The following RFC4 variants were observed in gnomAD, a reference collection of about 807,000 sequenced individuals.
RFC4 encodes A1 37 kDa subunit.
In RFC4, 38 loss-of-function variants were observed where a neutral mutation model predicts 47.6. That is an observed-to-expected ratio of 0.80 (90% confidence interval 0.62 to 1.05). The LOEUF (loss-of-function observed/expected upper bound fraction) is 1.05, where lower values mean the gene tolerates loss of function less well. Ranked by LOEUF, RFC4 falls within the 50% of genes least tolerant of loss-of-function variation. The pLI is 0.00. For missense variants in RFC4, 489 were observed against 434.0 expected (o/e 1.13, Z -1.13); for synonymous variants, 164 against 150.0 (o/e 1.09, Z -0.68).
chr3:186,806,086 T>C (rs528651703), intron 1 of RFC4, among the ~76,000 whole-genome samples: 1 of 152,368 alleles, frequency 6.6e-6, no homozygotes, highest in African/African-American at 2.4e-5. Context: ...AGTCCATCCC[T>C]GCCTCGGGCT....
In RFC4 at chr3:186,792,531, G is replaced by A; in HGVS notation, c.634C>T (p.Leu212=). ...ACATTTTCCTTCTTGGCAATGTCTA[G>A]TAATCGCTGCTGTTGAATTTTATCT... is the stretch of plus-strand genomic sequence containing the variant. The part of the protein sequence containing the change: ...LSDKIQQQRL[L]DIAKKENVKI... Residue 212 remains leucine, a synonymous_variant, in exon 7 of 11, where the codon CTA becomes TTA. Transcript: ENST00000296273. The A allele has an allele frequency of 6.2e-7, 1 of 1,613,292 alleles. No individual in the cohort carries two copies.
At chr3:186,799,418 G>A (rs1722306694) in intron 3 of RFC4, among the ~76,000 whole-genome samples, 1 of 152,116 alleles carries the variant, frequency 6.6e-6, no homozygotes, top group Non-Finnish European at 1.5e-5. Flanking sequence ...TCTTACTTCA[G>A]CCTCATAAAT....
rs971773672 is a variant in RFC4, at chr3:186,806,424, C to G, written c.-146G>C. The G allele has an allele frequency of 6.6e-6, 1 of 152,266 alleles. No homozygotes were observed. 9.4% of individuals were successfully genotyped at this position (152,266 alleles called of 1,614,324 possible). A position where few individuals can be genotyped will look rare whatever the true frequency, so the allele number is the denominator to read the frequency against. Reference sequence around the variant, plus strand: ...GAGAATAACGGGCCCAGGAGACTTACGATCACTGATGTCCCCACAGTCGCC... The same window carrying G: ...GAGAATAACGGGCCCAGGAGACTTAGGATCACTGATGTCCCCACAGTCGCC... On this transcript the variant is annotated 5_prime_UTR_variant, in exon 1 of 11. Transcript: ENST00000296273.
intron 4 of RFC4, among the ~76,000 whole-genome samples, chr3:186,797,050 C>T (rs1332942012): frequency 6.6e-6 from 1 of 152,166 alleles, no homozygotes; most frequent in Non-Finnish European, 1.5e-5. Context: ...ATCACTTGTG[C>T]TCAGGAGACC....
chr3:186,790,997 AAGT>A lies in RFC4; in HGVS notation c.802-594_802-592del, dbSNP rs569617035. Among the ~76,000 whole-genome samples, 30 of 152,318 alleles carry A rather than the reference AAGT, an allele frequency of 2.0e-4. No individual in the cohort carries two copies. The South Asian group carries it at 2.5e-3, about 13-fold the overall frequency. ...AAATGTCACAGAAACAAAAGTTGTT[AAGT>A]AGTAGTGATTCTGAAGTGAGTTTTT... is the stretch of plus-strand genomic sequence containing the variant. On this transcript the variant is annotated intron_variant, in intron 8 of 10. Coordinates refer to ENST00000296273, the MANE Select transcript of RFC4 (RefSeq NM_002916.5).
rs1389693477 is a variant in RFC4, at chr3:186,791,721, T to C, written c.801+4A>G. On this transcript the variant is annotated splice_donor_region_variant and intron_variant, in intron 8 of 10. Coordinates refer to ENST00000296273, the MANE Select transcript of RFC4 (RefSeq NM_002916.5). Reference sequence around the variant, plus strand: ...AAGAAATTCAGAATATCCAGTACTCTTACCCCGGCAATGTCTGTAATCACT... The same window carrying C: ...AAGAAATTCAGAATATCCAGTACTCCTACCCCGGCAATGTCTGTAATCACT... 6.2e-7 allele frequency: 1 copy of C among 1,612,848 alleles called. No individual in the cohort carries two copies. The highest frequency in any genetic ancestry group is 8.5e-7 in the Non-Finnish European group (1 of 1,178,898).
intron 9 of RFC4, 31 bp downstream of exon 9, chr3:186,790,295 C>T (rs779477025): frequency 2.1e-5 from 34 of 1,611,570 alleles, no homozygotes; most frequent in South Asian, 1.3e-4. Flanking sequence ...ACTTAATATT[C>T]CTTTCCCCAA....
At chr3:186,800,659 AT>A (rs976422250) in intron 3 of RFC4, among the ~76,000 whole-genome samples, 5 of 150,268 alleles carry the variant, frequency 3.3e-5, no homozygotes, top group African/African-American at 4.9e-5. Flanking sequence ...TCAAAGCTCG[AT>A]TTTTTTTTTG....
At chr3:186,794,942 A>G in intron 4 of RFC4, 165 bp from the exon 5 acceptor site, 1 of 685,152 alleles carries the variant, frequency 1.5e-6, no homozygotes, top group East Asian at 2.9e-5. Context: ...GCTGCAGTTA[A>G]CATTTTGGCT....
chr3:186,790,593 A>G (rs577479054), intron 8 of RFC4, among the ~76,000 whole-genome samples, 187 bp from the exon 9 acceptor site: 1 of 152,282 alleles, frequency 6.6e-6, no homozygotes, highest in Non-Finnish European at 1.5e-5. Context: ...CAAGGTGCTA[A>G]CAACTGTGCT....
rs1722146753 is a variant in RFC4 at position 186,791,812 on chromosome 3, T to G, written c.714A>C (p.Leu238Phe). 2 of 1,612,392 alleles carry G rather than the reference T, an allele frequency of 1.2e-6. No individual in the cohort carries two copies. The highest frequency in any genetic ancestry group is 2.2e-5 in the East Asian group (1 of 44,848). Residue 238 changes from leucine (L) to phenylalanine (F), a missense_variant, in exon 8 of 11, where the codon TTA (leucine) becomes TTC (phenylalanine). Physicochemically the swap from Leu to Phe is conservative, Grantham distance 22. Coordinates refer to ENST00000296273, the MANE Select transcript of RFC4 (RefSeq NM_002916.5). ...TTTGAAGAAATGTAATGGCTTTTCT[T>G]AAGTCTCCTTCTGACACTTTAACAA... ...AYLVKVSEGDLRKAITFLQSA... is the reference protein window; with the variant it reads ...AYLVKVSEGDFRKAITFLQSA...
At chr3:186,804,190 GTAA>G (rs995525689) in intron 2 of RFC4, among the ~76,000 whole-genome samples, 1 of 151,820 alleles carries the variant, frequency 6.6e-6, no homozygotes, top group Non-Finnish European at 1.5e-5. Context: ...CTCAAAAATA[GTAA>G]TAATAATAAT....
At chr3:186,795,940 G>A (rs914596683) in intron 4 of RFC4, among the ~76,000 whole-genome samples, 1 of 151,932 alleles carries the variant, frequency 6.6e-6, no homozygotes, top group Non-Finnish European at 1.5e-5. Flanking sequence ...AGTAATATAT[G>A]CTTACTGTAG....
At chr3:186,806,007 G>A (rs1722472706) in intron 1 of RFC4, among the ~76,000 whole-genome samples, 1 of 152,212 alleles carries the variant, frequency 6.6e-6, no homozygotes, top group Non-Finnish European at 1.5e-5. Context: ...TTGGCATATG[G>A]GGATATGCTC....
At chr3:186,792,283 A>G (rs3886912) in intron 7 of RFC4, among the ~76,000 whole-genome samples, 3 of 152,208 alleles carry the variant, frequency 2.0e-5, no homozygotes, top group Admixed American at 6.5e-5. Flanking sequence ...GGTCTCTGAT[A>G]TATTAAAAGA....
intron 8 of RFC4, 30 bp from the exon 9 acceptor site, chr3:186,790,436 T>G (rs966440753): frequency 3.3e-6 from 5 of 1,495,004 alleles, no homozygotes; most frequent in East Asian, 4.5e-5. Context: ...GTATTAAAGA[T>G]GTTTCTAGGT....
intron 4 of RFC4, among the ~76,000 whole-genome samples, chr3:186,797,290 G>C (rs1228570164): frequency 6.6e-6 from 1 of 152,072 alleles, no homozygotes; most frequent in Non-Finnish European, 1.5e-5. Flanking sequence ...AGAAAGTGAT[G>C]GAAAAAATCA....
intron 3 of RFC4, 57 bp downstream of exon 3, chr3:186,801,060 G>A (rs1284504048): frequency 1.6e-6 from 2 of 1,240,766 alleles, no homozygotes; most frequent in Non-Finnish European, 1.2e-6. Flanking sequence ...GAAGAAAGAG[G>A]GTGAATAAAT....
intron 3 of RFC4, 106 bp downstream of exon 3, chr3:186,801,011 A>G (rs907150440): frequency 1.2e-6 from 1 of 825,850 alleles, no homozygotes; most frequent in Non-Finnish European, 2.1e-6. Flanking sequence ...CCTACTGTAC[A>G]CAGAGCAAGA....
Sources: gnomAD v4.1 joint callset for allele counts (sites outside exome capture counted in the v4.1 genomes callset) on GRCh38, gnomAD v4.1.1 for gene constraint, MANE v1.5 for transcripts, NCBI Gene and HGNC (gene_info 2026-07-23, HGNC 2026-07-21) for gene names.